Variants in SLC14A2 observed in about 807,000 individuals in gnomAD.
SLC14A2 encodes urea transporter 2.
Under a neutral mutation model 104.6 loss-of-function variants are expected in SLC14A2, and 91 were observed. That is an observed-to-expected ratio of 0.87 (90% CI 0.73 to 1.04). The LOEUF (loss-of-function observed/expected upper bound fraction) is 1.04, where lower values mean the gene tolerates loss of function less well. Ranked by LOEUF, SLC14A2 falls within the 50% of genes least tolerant of loss-of-function variation. The probability of loss-of-function intolerance (pLI) is 0.00; values close to 1 mark genes in which losing one functional copy is unlikely to be tolerated. For synonymous variants in SLC14A2, 476 were observed against 466.4 expected (o/e 1.02, Z -0.27); for missense variants, 1,189 against 1,156.0 (o/e 1.03, Z -0.41).
At chr18:45,407,916 A>G (rs556205605) in intron 1 of SLC14A2, among the ~76,000 whole-genome samples, 34 of 152,198 alleles carry the variant, frequency 2.2e-4, no homozygotes, top group Non-Finnish European at 4.3e-4. Context: ...TAACAGATAT[A>G]ATGGTAATGG....
rs140959073 is a variant in SLC14A2, at chr18:45,297,004, C to T, written c.-125+83813C>T. 2.0e-4 allele frequency among the ~76,000 whole-genome samples: 30 copies of T among 152,206 alleles called. No individual in the cohort carries two copies. The East Asian group carries it at 3.9e-3, about 20-fold the overall frequency. ...TGTGAGACCCTCTATTATTCTGCCT[C>T]TTATTTTGATTTAAAGTTACATGCT... is the stretch of plus-strand genomic sequence containing the variant. On this transcript the variant is annotated intron_variant, in intron 1 of 20. Transcript: ENST00000586448.
intron 1 of SLC14A2, among the ~76,000 whole-genome samples, chr18:45,619,570 T>C (rs1887005896): frequency 6.6e-6 from 1 of 152,182 alleles, no homozygotes; most frequent in Non-Finnish European, 1.5e-5. Context: ...TCCATATTTC[T>C]GAAGGAGAAG....
chr18:45,325,467 ACT>A (rs981409751), intron 1 of SLC14A2, among the ~76,000 whole-genome samples: 5 of 152,176 alleles, frequency 3.3e-5, no homozygotes, highest in African/African-American at 9.7e-5. Context: ...CCTAGGAGAA[ACT>A]CAAACAAAAG....
chr18:45,514,668 C>G (rs1220629879), intron 2 of SLC14A2, among the ~76,000 whole-genome samples: 3 of 152,094 alleles, frequency 2.0e-5, no homozygotes, highest in Non-Finnish European at 2.9e-5. Context: ...TATTAAGAGG[C>G]ATACCTAGCA....
At chr18:45,274,744 G>T (rs557388337) in intron 1 of SLC14A2, among the ~76,000 whole-genome samples, 26 of 152,350 alleles carry the variant, frequency 1.7e-4, no homozygotes, top group Admixed American at 1.5e-3. Context: ...TTGCCCAAGG[G>T]AGTCTGGCCC....
intron 1 of SLC14A2, among the ~76,000 whole-genome samples, chr18:45,419,326 A>G (rs569147199): frequency 2.6e-5 from 4 of 152,170 alleles, no homozygotes; most frequent in Non-Finnish European, 5.9e-5. Context: ...AAGGGGTATG[A>G]TGTGTGTAGG....
chr18:45,672,808 G>A (rs1382025642), intron 16 of SLC14A2, 92 bp from the exon 17 acceptor site: 4 of 1,175,178 alleles, frequency 3.4e-6, no homozygotes. Context: ...CAAAATGTTA[G>A]TGGGAAGGGT....
intron 1 of SLC14A2, among the ~76,000 whole-genome samples, chr18:45,453,807 A>C (rs1324083149): frequency 1.3e-5 from 2 of 150,472 alleles, no homozygotes; most frequent in Non-Finnish European, 3.0e-5. Context: ...TCCCTCAACC[A>C]AAATTCCCAT....
At chr18:45,283,351 T>C (rs946657741) in intron 1 of SLC14A2, among the ~76,000 whole-genome samples, 1 of 136,482 alleles carries the variant, frequency 7.3e-6, no homozygotes, top group Non-Finnish European at 1.6e-5. Context: ...CCTGACTTAC[T>C]GAGACTTCTA....
chr18:45,296,619 G>T (rs1466185190), intron 1 of SLC14A2, among the ~76,000 whole-genome samples: 1 of 152,130 alleles, frequency 6.6e-6, no homozygotes, highest in African/African-American at 2.4e-5. Flanking sequence ...TTGCTGTTGG[G>T]CATTAATTAT....
chr18:45,574,936 T>TTCAAG (rs2044398324), intron 2 of SLC14A2, among the ~76,000 whole-genome samples: 1 of 152,152 alleles, frequency 6.6e-6, no homozygotes, highest in Non-Finnish European at 1.5e-5. Context: ...CTTGGCCTCC[T>TTCAAG]TCAAGTCCTG....
At chr18:45,598,612 C>T (rs1181696509) in intron 2 of SLC14A2, among the ~76,000 whole-genome samples, 3 of 152,078 alleles carry the variant, frequency 2.0e-5, no homozygotes, top group Admixed American at 6.5e-5. Context: ...TTTATGGGCC[C>T]CTAAAAATAT....
At chr18:45,274,545 T>C (rs891838933) in intron 1 of SLC14A2, among the ~76,000 whole-genome samples, 2 of 152,220 alleles carry the variant, frequency 1.3e-5, no homozygotes, top group Non-Finnish European at 2.9e-5. Context: ...ATGCAACATC[T>C]TGTTACGCTG....
intron 1 of SLC14A2, among the ~76,000 whole-genome samples, chr18:45,616,456 T>C (rs940098840): frequency 5.3e-5 from 8 of 152,210 alleles, no homozygotes; most frequent in Admixed American, 5.2e-4. Flanking sequence ...CAGAGTTTCA[T>C]GCCCAGTTTC....
chr18:45,376,802 ATCTTGATT>A (rs1481166124), intron 1 of SLC14A2, among the ~76,000 whole-genome samples: 1 of 152,184 alleles, frequency 6.6e-6, no homozygotes, highest in Non-Finnish European at 1.5e-5. Context: ...GGAGCTGCAG[ATCTTGATT>A]TCTGATGGTT....
chr18:45,571,978 A>C (rs909135552), intron 2 of SLC14A2, among the ~76,000 whole-genome samples: 13 of 152,194 alleles, frequency 8.5e-5, no homozygotes, highest in Non-Finnish European at 1.3e-4. Flanking sequence ...CTTTTAAAAC[A>C]GTGCATAGAC....
At chr18:45,495,175 T>C (rs578204196) in intron 2 of SLC14A2, among the ~76,000 whole-genome samples, 1 of 152,146 alleles carries the variant, frequency 6.6e-6, no homozygotes, top group Non-Finnish European at 1.5e-5. Flanking sequence ...TGAATTTGGA[T>C]GCAGGAGGAG....
In SLC14A2 at chr18:45,222,776, T is replaced by G. The variant is rs534911312; in HGVS notation, c.-125+9585T>G. On this transcript the variant is annotated intron_variant, in intron 1 of 20. Transcript: ENST00000586448. ...CATTTTTATTCCTTTGTTTAATACT[T>G]CTTATCCACTTGCTTGGATCGACTT... Among the ~76,000 whole-genome samples, 5 of 152,350 alleles carry G rather than the reference T, an allele frequency of 3.3e-5. No individual in the cohort carries two copies. The South Asian group carries it at 1.0e-3, about 32-fold the overall frequency.
At chr18:45,462,395 C>CT (rs2087061972) in intron 1 of SLC14A2, among the ~76,000 whole-genome samples, 1 of 152,194 alleles carries the variant, frequency 6.6e-6, no homozygotes, top group African/African-American at 2.4e-5. Flanking sequence ...AGGCAAGGGA[C>CT]TTGTACACTG....
Sources: gnomAD v4.1 joint callset for allele counts (sites outside exome capture counted in the v4.1 genomes callset) on GRCh38, gnomAD v4.1.1 for gene constraint, MANE v1.5 for transcripts, NCBI Gene and HGNC (gene_info 2026-07-23, HGNC 2026-07-21) for gene names.